Variants in ZP3 observed in about 807,000 individuals in gnomAD.
ZP3 encodes the protein zona pellucida sperm-binding protein 3.
ZP3 carries 21 observed loss-of-function variants against 35.6 expected under a neutral mutation model. That is an observed-to-expected ratio of 0.59 (90% CI 0.42 to 0.85). The LOEUF (loss-of-function observed/expected upper bound fraction) is 0.85. Among genes scored for constraint, ZP3 ranks in the 40% least tolerant of loss-of-function variants. The pLI, the probability that ZP3 is intolerant of heterozygous loss-of-function variation, is 0.00. For synonymous variants in ZP3, 207 were observed against 214.5 expected (o/e 0.96, Z 0.31); for missense variants, 437 against 536.5 (o/e 0.81, Z 1.83).
At chr7:76,397,977 A>T (rs1054556802) in intron 1 of ZP3, 1 of 832,896 alleles carries the variant, frequency 1.2e-6, no homozygotes, top group Non-Finnish European at 1.8e-6. Flanking sequence ...CTTGGTCCAG[A>T]CTGGGGGTAG....
At chr7:76,417,686 A>G (rs1280128314) in intron 1 of ZP3, among the ~76,000 whole-genome samples, 1 of 149,570 alleles carries the variant, frequency 6.7e-6, no homozygotes, top group Non-Finnish European at 1.5e-5. Context: ...ATCATAGTTC[A>G]TTGCAGCCTT....
At position 76,437,659 on chromosome 7, in the gene ZP3, G is replaced by GT. The variant is rs1480378244; in HGVS notation, c.832-2590dup. Among the ~76,000 whole-genome samples, 187 of 98,018 alleles carry GT rather than the reference G, an allele frequency of 1.9e-3. 1 individual carries two copies. Among genetic ancestry groups the GT allele is most frequent in the Middle Eastern group, 8.2e-3 (1 of 122 alleles). 64.3% of individuals were successfully genotyped at this position (98,018 alleles called of 152,430 possible). The stretch of plus-strand genomic sequence containing the variant: ...CTGCCACCATGCCCAGCTAATTTCT[G>GT]TATTTTTTTTTTTTTTTTTAGTAGA... On this transcript the variant is annotated intron_variant, in intron 5 of 7. Transcript: ENST00000394857.
upstream of ZP3, among the ~76,000 whole-genome samples, chr7:76,422,165 G>T (rs142442980): frequency 0.16 from 25,006 of 151,682 alleles, 2,368 homozygotes; most frequent in Non-Finnish European, 0.23. Context: ...CCAAAATGCT[G>T]GGATTACAGA....
chr7:76,408,142 G>C (rs1193244365), intron 1 of ZP3, among the ~76,000 whole-genome samples: 2 of 152,114 alleles, frequency 1.3e-5, no homozygotes, highest in South Asian at 2.1e-4. Context: ...GGGACTGGGG[G>C]ACATGGGTGC....
intron 1 of ZP3, chr7:76,400,401 G>C: frequency 1.9e-6 from 3 of 1,601,804 alleles, no homozygotes; most frequent in Non-Finnish European, 1.7e-6. Context: ...TGTCCAGCAG[G>C]ATGGGGCCTC....
intron 1 of ZP3, among the ~76,000 whole-genome samples, chr7:76,425,864 G>A (rs1366908031): frequency 6.6e-6 from 1 of 151,930 alleles, no homozygotes; most frequent in Non-Finnish European, 1.5e-5. Flanking sequence ...CCAGCACTTT[G>A]GGAGGCTGAG....
In ZP3 at chr7:76,425,279, A is replaced by C; in HGVS notation, c.312+3A>C. On this transcript the variant is annotated splice_donor_region_variant and intron_variant, in intron 1 of 7. Transcript: ENST00000394857. ...ACGAGTGTGGCAACAGCATGCAGGTAAGAGAGGCTGGGGGCCCTGGCTTTG... is the reference window on the plus strand; with the variant it reads ...ACGAGTGTGGCAACAGCATGCAGGTCAGAGAGGCTGGGGGCCCTGGCTTTG... 1 of 1,598,364 alleles carries C rather than the reference A, an allele frequency of 6.3e-7. No homozygotes were observed. The highest frequency in any genetic ancestry group is 8.5e-7 in the Non-Finnish European group (1 of 1,170,716).
intron 1 of ZP3, chr7:76,429,266 C>T: frequency 4.2e-6 from 2 of 475,930 alleles, no homozygotes. Context: ...TGACCAGTGG[C>T]AGAGCCTGTG....
chr7:76,429,349 T>C (rs963073528), intron 1 of ZP3, 166 bp from the exon 2 acceptor site: 125 of 644,368 alleles, frequency 1.9e-4, no homozygotes, highest in African/African-American at 1.9e-3. Flanking sequence ...AAGCAATCCT[T>C]GGCCTCCCAA....
At chr7:76,411,013 A>AAAAAAAAAAAAG (rs1554623386) in intron 1 of ZP3, among the ~76,000 whole-genome samples, 99 of 131,110 alleles carry the variant, frequency 7.6e-4, no homozygotes, top group African/African-American at 1.4e-3. Context: ...AAAAAAAAAA[A>AAAAAAAAAAAAG]AAAAGAAAAG....
intron 4 of ZP3, 63 bp from the exon 5 acceptor site, chr7:76,433,975 G>A (rs1805915130): frequency 7.8e-7 from 1 of 1,281,716 alleles, no homozygotes; most frequent in Non-Finnish European, 1.1e-6. Context: ...CTGGGATTAT[G>A]GGCGTGAGCC....
chr7:76,405,830 C>G (rs1805008158), intron 1 of ZP3, among the ~76,000 whole-genome samples: 1 of 152,058 alleles, frequency 6.6e-6, no homozygotes, highest in South Asian at 2.1e-4. Context: ...ATGACCAGCC[C>G]AAGGACTCAG....
intron 1 of ZP3, chr7:76,400,290 A>G: frequency 6.8e-7 from 1 of 1,478,520 alleles, no homozygotes; most frequent in South Asian, 1.4e-5. Flanking sequence ...ACTCACCATC[A>G]CACAGGACAG....
At chr7:76,421,849 T>C (rs1805510842), upstream of ZP3, among the ~76,000 whole-genome samples, 1 of 152,086 alleles carries the variant, frequency 6.6e-6, no homozygotes, top group African/African-American at 2.4e-5. Flanking sequence ...ATGCTGTACC[T>C]GTCAGTCCTT....
intron 1 of ZP3, among the ~76,000 whole-genome samples, chr7:76,401,742 G>A (rs144049139): frequency 6.6e-5 from 10 of 152,238 alleles, no homozygotes; most frequent in Non-Finnish European, 1.5e-4. Flanking sequence ...TTCCCAGCTT[G>A]GAGCCCCTTC....
chr7:76,432,930 G>A lies in ZP3; in HGVS notation c.435G>A (p.Gln145=). 1 of 1,613,870 alleles carries A rather than the reference G, an allele frequency of 6.2e-7. No homozygotes were observed. The highest frequency in any genetic ancestry group is 8.5e-7 in the Non-Finnish European group (1 of 1,179,902). Residue 145 remains glutamine, a synonymous_variant, in exon 3 of 8, where the codon CAG becomes CAA. Coordinates refer to ENST00000394857, the MANE Select transcript of ZP3 (RefSeq NM_001110354.2). ...EIPIECRYPR[Q]GNVSSQAILP... is the part of the protein sequence containing the mutation. ...ACAGCTGCTGTTCTTCTCTCAGGCAGGGCAATGTGAGCAGCCAGGCCATCC... is the reference window on the plus strand; with the variant it reads ...ACAGCTGCTGTTCTTCTCTCAGGCAAGGCAATGTGAGCAGCCAGGCCATCC...
intron 5 of ZP3, among the ~76,000 whole-genome samples, chr7:76,436,123 G>C (rs1173273381): frequency 1.7e-5 from 2 of 117,596 alleles, no homozygotes; most frequent in Non-Finnish European, 3.2e-5. Flanking sequence ...CCAATCTTAG[G>C]TCACTGCAAC....
chr7:76,423,885 G>C (rs531824354), upstream of ZP3, among the ~76,000 whole-genome samples: 1 of 151,870 alleles, frequency 6.6e-6, no homozygotes, highest in East Asian at 1.9e-4. Flanking sequence ...TGCCCTGGTC[G>C]GGGTGAGCTG....
intron 1 of ZP3, among the ~76,000 whole-genome samples, chr7:76,419,904 C>A (rs1248853466): frequency 6.6e-6 from 1 of 151,458 alleles, no homozygotes; most frequent in Non-Finnish European, 1.5e-5. Context: ...CAGGTTCAAG[C>A]GATTCTCCTG....
Sources: allele counts gnomAD v4.1 joint callset (sites outside exome capture counted in the v4.1 genomes callset), GRCh38; gene constraint gnomAD v4.1.1; transcripts MANE v1.5; gene names NCBI Gene and HGNC (gene_info 2026-07-23, HGNC 2026-07-21).